The following GPC6 variants were observed in gnomAD, a reference collection of about 807,000 sequenced individuals.
GPC6 encodes glypican 6.
A neutral mutation model predicts 55.2 loss-of-function variants in GPC6; 14 were observed. The observed-to-expected ratio is 0.25, with a 90% CI of 0.17 to 0.40. The LOEUF (loss-of-function observed/expected upper bound fraction) is 0.40, where lower values mean the gene tolerates loss of function less well. Ranked by LOEUF, GPC6 falls within the 10% of genes least tolerant of loss-of-function variation. The pLI is 1.00. For missense variants in GPC6, 641 were observed against 708.5 expected, an observed-to-expected ratio of 0.90 and a Z score of 1.08; for synonymous variants, 278 against 259.6, an observed-to-expected ratio of 1.07 and a Z score of -0.68.
chr13:94,065,266 G>C (rs1451116147), intron 4 of GPC6, among the ~76,000 whole-genome samples: 1 of 152,164 alleles, frequency 6.6e-6, no homozygotes, highest in Non-Finnish European at 1.5e-5. Flanking sequence ...AACCAAGGCA[G>C]TGTGATCAGT....
intron 1 of GPC6, among the ~76,000 whole-genome samples, chr13:93,481,966 A>G (rs1345359308): frequency 2.0e-5 from 3 of 152,114 alleles, no homozygotes. Flanking sequence ...TGAGATTTTG[A>G]CAGAAATTGT....
intron 1 of GPC6, among the ~76,000 whole-genome samples, chr13:93,341,695 C>CTT (rs34604793): frequency 1.4e-5 from 2 of 142,562 alleles, no homozygotes; most frequent in Non-Finnish European, 3.1e-5. Flanking sequence ...TACTCCGCTG[C>CTT]TTTTTTTTTT....
At chr13:93,564,843 T>C (rs1277647818) in intron 2 of GPC6, among the ~76,000 whole-genome samples, 2 of 152,198 alleles carry the variant, frequency 1.3e-5, no homozygotes, top group African/African-American at 4.8e-5. Context: ...TGCCCACTCC[T>C]CACCCCTGTT....
At chr13:94,120,663 C>A (rs954551892) in intron 4 of GPC6, among the ~76,000 whole-genome samples, 1 of 151,866 alleles carries the variant, frequency 6.6e-6, no homozygotes, top group Admixed American at 6.6e-5. Context: ...TGTGCCCCCA[C>A]AATTGAATAC....
intron 1 of GPC6, among the ~76,000 whole-genome samples, chr13:93,454,942 G>A (rs979155228): frequency 6.6e-6 from 1 of 152,252 alleles, no homozygotes; most frequent in Non-Finnish European, 1.5e-5. Context: ...CAGGAAGGCA[G>A]CCAAGGCCTG....
At chr13:93,595,868 C>G (rs947726335) in intron 2 of GPC6, among the ~76,000 whole-genome samples, 5 of 152,062 alleles carry the variant, frequency 3.3e-5, no homozygotes, top group African/African-American at 1.2e-4. Context: ...CATGCCTGTT[C>G]CAATGGATGA....
chr13:94,053,036 G>A (rs975139746), intron 4 of GPC6, among the ~76,000 whole-genome samples: 1 of 152,098 alleles, frequency 6.6e-6, no homozygotes, highest in Non-Finnish European at 1.5e-5. Context: ...TACCAAATAT[G>A]CATGTCAGAA....
At chr13:94,321,056 C>T (rs778287098) in intron 6 of GPC6, among the ~76,000 whole-genome samples, 6 of 152,238 alleles carry the variant, frequency 3.9e-5, no homozygotes, top group East Asian at 1.9e-4. Context: ...TTTCTATCTT[C>T]GCCTTCCTCC....
chr13:94,306,635 A>C (rs992126317), intron 6 of GPC6, among the ~76,000 whole-genome samples: 1 of 152,056 alleles, frequency 6.6e-6, no homozygotes, highest in African/African-American at 2.4e-5. Flanking sequence ...GAATCCTTAG[A>C]ATTAGTCACT....
intron 7 of GPC6, among the ~76,000 whole-genome samples, chr13:94,391,713 G>A (rs1239912219): frequency 6.6e-6 from 1 of 152,248 alleles, no homozygotes; most frequent in East Asian, 1.9e-4. Context: ...GCAGTCACGT[G>A]GTTGTGCAAC....
chr13:93,910,566 A>G (rs1177836470), intron 3 of GPC6, among the ~76,000 whole-genome samples: 2 of 152,022 alleles, frequency 1.3e-5, no homozygotes, highest in Non-Finnish European at 2.9e-5. Flanking sequence ...CACTTGGTAT[A>G]TTTTTATCCA....
intron 2 of GPC6, among the ~76,000 whole-genome samples, chr13:93,546,106 A>G (rs1874773205): frequency 6.6e-6 from 1 of 152,238 alleles, no homozygotes; most frequent in South Asian, 2.1e-4. Context: ...AGTATCAACA[A>G]TGATAACAAT....
chr13:94,181,546 A>G (rs1346662315), intron 4 of GPC6, among the ~76,000 whole-genome samples: 2 of 152,330 alleles, frequency 1.3e-5, no homozygotes, highest in Admixed American at 6.5e-5. Context: ...TCTATTGTCT[A>G]TGGAAGAAGA....
chr13:93,790,435 G>A (rs1330461), intron 2 of GPC6, among the ~76,000 whole-genome samples: 100,418 of 151,890 alleles, frequency 0.66, 33,714 homozygotes, highest in East Asian at 0.81. Context: ...TCCAATTCCA[G>A]TGAACAGAAA....
chr13:93,582,762 A>G (rs1876996354), intron 2 of GPC6, among the ~76,000 whole-genome samples: 1 of 152,206 alleles, frequency 6.6e-6, no homozygotes, highest in Non-Finnish European at 1.5e-5. Flanking sequence ...TTACCTTAGT[A>G]CAGAATTGCA....
chr13:93,398,291 A>C (rs1449568326), intron 1 of GPC6, among the ~76,000 whole-genome samples: 2 of 152,166 alleles, frequency 1.3e-5, no homozygotes, highest in Non-Finnish European at 2.9e-5. Flanking sequence ...CAGAGTTTTC[A>C]AACTAAGGAG....
chr13:93,485,676 A>G (rs1005989829), intron 1 of GPC6, among the ~76,000 whole-genome samples: 1 of 152,154 alleles, frequency 6.6e-6, no homozygotes, highest in African/African-American at 2.4e-5. Flanking sequence ...TCCTGGTACA[A>G]TCCACCAGGT....
chr13:93,985,385 C>A (rs987904992), intron 3 of GPC6, among the ~76,000 whole-genome samples: 1 of 151,156 alleles, frequency 6.6e-6, no homozygotes, highest in Non-Finnish European at 1.5e-5. Context: ...TGCAGTGAGC[C>A]GAGATCACAC....
At chr13:93,661,692 G>T (rs1483986306) in intron 2 of GPC6, among the ~76,000 whole-genome samples, 3 of 152,164 alleles carry the variant, frequency 2.0e-5, no homozygotes, top group Non-Finnish European at 4.4e-5. Flanking sequence ...TATCTCCGAA[G>T]GAATGGTGCC....
Sources: allele counts gnomAD v4.1 joint callset (sites outside exome capture counted in the v4.1 genomes callset), GRCh38; gene constraint gnomAD v4.1.1; transcripts MANE v1.5; gene names NCBI Gene and HGNC (gene_info 2026-07-23, HGNC 2026-07-21).